Variants in DNAH10 observed in about 807,000 individuals in gnomAD.
DNAH10 encodes axonemal beta dynein heavy chain 10.
A neutral mutation model predicts 506.6 loss-of-function variants in DNAH10; 348 were observed. The observed-to-expected ratio is 0.69, with a 90% CI of 0.63 to 0.75. DNAH10 has a LOEUF of 0.75. Among genes scored for constraint, DNAH10 ranks in the 30% least tolerant of loss-of-function variants. The pLI, the probability that DNAH10 is intolerant of heterozygous loss-of-function variation, is 0.00. For missense variants in DNAH10, 5,179 were observed against 5,787.1 expected, an observed-to-expected ratio of 0.89 and a Z score of 3.41; for synonymous variants, 2,059 against 2,198.6, an observed-to-expected ratio of 0.94 and a Z score of 1.78.
chr12:123,770,378 C>CT (rs1261223129), intron 2 of DNAH10, among the ~76,000 whole-genome samples: 11 of 151,946 alleles, frequency 7.2e-5, no homozygotes, highest in African/African-American at 2.7e-4. Flanking sequence ...ACCATCACTC[C>CT]TGGATAACAT....
chr12:123,809,053 G>T, intron 19 of DNAH10, 100 bp downstream of exon 19: 1 of 1,395,662 alleles, frequency 7.2e-7, no homozygotes, highest in Non-Finnish European at 9.9e-7. Context: ...TGCCCAAGGT[G>T]GAATTCTTGA....
At chr12:123,827,024 AT>A in intron 25 of DNAH10, 126 bp downstream of exon 25, 1 of 772,476 alleles carries the variant, frequency 1.3e-6, no homozygotes, top group Non-Finnish European at 2.0e-6. Flanking sequence ...CCGCAGGGCT[AT>A]ACATGGGCAC....
chr12:123,790,004 C>T lies in DNAH10; in HGVS notation c.1698C>T (p.Val566=). 2 of 1,614,180 alleles carry T rather than the reference C, an allele frequency of 1.2e-6. No individual in the cohort carries two copies. Among genetic ancestry groups the T allele is most frequent in the Non-Finnish European group, 1.7e-6 (2 of 1,180,034 alleles). The part of the protein sequence containing the change: ...VTGDPKRIDD[V]LCRVDGLVTP... ...GGGACCCCAAGCGCATTGATGATGT[C>T]CTATGCAGAGTGGACGGCCTAGTCA... Residue 566 remains valine (V), a synonymous_variant, in exon 11 of 79, where the codon GTC becomes GTT. Transcript: ENST00000673944.
intron 44 of DNAH10, among the ~76,000 whole-genome samples, chr12:123,870,753 G>A (rs1033725864): frequency 2.4e-4 from 36 of 152,176 alleles, no homozygotes; most frequent in African/African-American, 8.7e-4. Flanking sequence ...AGGCAGATGA[G>A]ATGCCGTTTC....
chr12:123,783,949 T>C lies in DNAH10; in HGVS notation c.1002T>C (p.Gly334=). 1 of 1,614,010 alleles carries C rather than the reference T, an allele frequency of 6.2e-7. No individual in the cohort carries two copies. The highest frequency in any genetic ancestry group is 8.5e-7 in the Non-Finnish European group (1 of 1,179,898). ...TGTGTGTTCATTTCACCTCTCAGGG[T>C]AAAGGCCCTCTGGCTGAAATTGAAT... The part of the protein sequence containing the change: ...VEAQLKKTPQ[G]KGPLAEIEFW... The change falls in exon 8 of 79, where the codon GGT becomes GGC. Residue 334 remains glycine, a splice_region_variant and synonymous_variant. Coordinates refer to ENST00000673944, the MANE Select transcript of DNAH10 (RefSeq NM_001372106.1).
chr12:123,799,030 G>A (rs1316628492), intron 13 of DNAH10, among the ~76,000 whole-genome samples: 8 of 148,446 alleles, frequency 5.4e-5, no homozygotes, highest in Non-Finnish European at 7.4e-5. Flanking sequence ...GCTTGAGCCC[G>A]GGAGGCGAAG....
In DNAH10 at chr12:123,871,481, C is replaced by G; in HGVS notation, c.7664C>G (p.Thr2555Ser). The G allele has an allele frequency of 1.3e-6, 2 of 1,582,880 alleles. No individual in the cohort carries two copies. The highest frequency in any genetic ancestry group is 8.6e-7 in the Non-Finnish European group (1 of 1,162,954). ...GTTCACACAGTGGATACCACTCGGA[C>G]TACCTGGATATTGGAACAAATGGTT... ...ILVHTVDTTRTTWILEQMVKI... is the reference protein window; with the variant it reads ...ILVHTVDTTRSTWILEQMVKI... The change falls in exon 45 of 79, where the codon ACT becomes AGT. Residue 2555 changes from threonine (T) to serine (S), a missense_variant. By Grantham distance (58) the Thr-to-Ser change is moderately conservative. Coordinates refer to ENST00000673944, the MANE Select transcript of DNAH10 (RefSeq NM_001372106.1).
chr12:123,805,419 G>A (rs969020152), intron 18 of DNAH10, among the ~76,000 whole-genome samples: 1 of 152,192 alleles, frequency 6.6e-6, no homozygotes, highest in Non-Finnish European at 1.5e-5. Context: ...TCAGCCCCTA[G>A]TTAGCGCGGT....
chr12:123,920,618 G>A (rs1159831108), intron 65 of DNAH10, among the ~76,000 whole-genome samples: 1 of 152,076 alleles, frequency 6.6e-6, no homozygotes, highest in Non-Finnish European at 1.5e-5. Flanking sequence ...AATAATTCCT[G>A]AATATCATCA....
intron 1 of DNAH10, among the ~76,000 whole-genome samples, chr12:123,765,092 GC>G (rs1414731510): frequency 6.6e-6 from 1 of 151,608 alleles, no homozygotes; most frequent in South Asian, 2.1e-4. Flanking sequence ...TCCTCTTTCT[GC>G]CCCCCTTCCC....
At chr12:123,910,142 C>G (rs1315354598) in intron 58 of DNAH10, among the ~76,000 whole-genome samples, 1 of 152,190 alleles carries the variant, frequency 6.6e-6, no homozygotes, top group Non-Finnish European at 1.5e-5. Context: ...CAAGGCACTC[C>G]CTCTGTCTGA....
At position 123,879,367 on chromosome 12, in the gene DNAH10, T is replaced by C. The variant is rs192385577; in HGVS notation, c.8466+10T>C. The C allele has an allele frequency of 1.3e-6, 2 of 1,555,898 alleles. No individual in the cohort carries two copies. The highest frequency in any genetic ancestry group is 2.7e-5 in the African/African-American group (2 of 73,264). On this transcript the variant is annotated intron_variant, in intron 49 of 78. Transcript: ENST00000673944. Reference sequence around the variant, plus strand: ...AACAGACAAGCAGCTGGTCAGTACATCCAATGCTTCTTCTCAGGAAATTCT... The same window carrying C: ...AACAGACAAGCAGCTGGTCAGTACACCCAATGCTTCTTCTCAGGAAATTCT...
At chr12:123,861,591 C>T (rs1178247719) in intron 39 of DNAH10, among the ~76,000 whole-genome samples, 7 of 152,236 alleles carry the variant, frequency 4.6e-5, no homozygotes, top group Non-Finnish European at 8.8e-5. Flanking sequence ...GAATGCCCTC[C>T]TGAGCCACGG....
At chr12:123,851,466 C>T (rs1951174386) in intron 35 of DNAH10, among the ~76,000 whole-genome samples, 1 of 152,186 alleles carries the variant, frequency 6.6e-6, no homozygotes, top group Non-Finnish European at 1.5e-5. Flanking sequence ...CTTCCTCCCC[C>T]ACCTCTTTTT....
chr12:123,823,705 C>T (rs536341162), intron 24 of DNAH10, among the ~76,000 whole-genome samples: 44 of 152,202 alleles, frequency 2.9e-4, no homozygotes, highest in African/African-American at 8.4e-4. Flanking sequence ...AATCACATCA[C>T]GGGGAATGGG....
chr12:123,846,779 T>C lies in DNAH10; in HGVS notation c.5814+625T>C, dbSNP rs1950964196. 6.6e-6 allele frequency among the ~76,000 whole-genome samples: 1 copy of C among 152,170 alleles called. No individual in the cohort carries two copies. Among genetic ancestry groups the C allele is most frequent in the Non-Finnish European group, 1.5e-5 (1 of 68,026 alleles). ...GAGTAGCTAGGACTATAGCATTCAC[T>C]GCTGCACCTGGCTACATTGGTGGTC... On this transcript the variant is annotated intron_variant, in intron 32 of 78. Transcript: ENST00000673944. The surrounding 1 kb of genome is among the most constrained non-coding windows in gnomAD (Gnocchi z 4.5).
chr12:123,866,134 T>C (rs1951795115), intron 41 of DNAH10, 61 bp downstream of exon 41: 2 of 1,436,616 alleles, frequency 1.4e-6, no homozygotes, highest in Non-Finnish European at 1.9e-6. Flanking sequence ...TTGGATAACA[T>C]AGTCCAGAGG....
intron 72 of DNAH10, 26 bp from the exon 73 acceptor site, chr12:123,930,376 C>A: frequency 6.6e-7 from 1 of 1,508,688 alleles, no homozygotes; most frequent in South Asian, 1.4e-5. Context: ...GAGCTCCTGG[C>A]TGGCTCTCAG....
At chr12:123,788,931 A>T (rs1245394301) in intron 10 of DNAH10, among the ~76,000 whole-genome samples, 1 of 151,744 alleles carries the variant, frequency 6.6e-6, no homozygotes, top group Non-Finnish European at 1.5e-5. Context: ...CTTCAAAAAA[A>T]AAAAAAAAAA....
Sources: gnomAD v4.1 joint callset for allele counts (sites outside exome capture counted in the v4.1 genomes callset) on GRCh38, gnomAD v4.1.1 for gene constraint, Gnocchi (gnomAD v3.1) non-coding constraint, MANE v1.5 for transcripts, NCBI Gene and HGNC (gene_info 2026-07-23, HGNC 2026-07-21) for gene names.